Variants in STAG1 observed in about 807,000 individuals in gnomAD.
STAG1 encodes STAG1 cohesin complex component.
STAG1 carries 26 observed loss-of-function variants against 170.9 expected under a neutral mutation model. That is an observed-to-expected ratio of 0.15 (90% CI 0.11 to 0.21). The LOEUF (loss-of-function observed/expected upper bound fraction) is 0.21, where lower values mean the gene tolerates loss of function less well. STAG1 is among the 10% of genes least tolerant of loss of function. STAG1 has a pLI of 1.00. For synonymous variants in STAG1, 514 were observed against 497.7 expected (o/e 1.03, Z -0.44); for missense variants, 964 against 1,509.5 (o/e 0.64, Z 5.99).
At chr3:136,412,030 A>C (rs959921831) in intron 21 of STAG1, among the ~76,000 whole-genome samples, 19 of 152,096 alleles carry the variant, frequency 1.2e-4, no homozygotes, top group African/African-American at 4.6e-4. Flanking sequence ...TAAAAAACAA[A>C]CAAACAAACA....
intron 1 of STAG1, among the ~76,000 whole-genome samples, chr3:136,740,460 TAAA>T (rs759964021): frequency 5.9e-5 from 9 of 152,198 alleles, no homozygotes; most frequent in Non-Finnish European, 1.0e-4. Context: ...TGGCATATAG[TAAA>T]TGCTCAATGT....
intron 5 of STAG1, among the ~76,000 whole-genome samples, chr3:136,565,100 AAGAGAAAGAG>A (rs1937025053): frequency 1.1e-5 from 1 of 91,560 alleles, no homozygotes; most frequent in Non-Finnish European, 2.4e-5. Flanking sequence ...GAGGAAAGGA[AAGAGAAAGAG>A]AGAGAAAGAA....
At chr3:136,379,893 A>C (rs966182897) in intron 22 of STAG1, among the ~76,000 whole-genome samples, 2 of 152,230 alleles carry the variant, frequency 1.3e-5, no homozygotes, top group Admixed American at 1.3e-4. Flanking sequence ...GGCAATGAGG[A>C]ACTACTGAAG....
intron 16 of STAG1, among the ~76,000 whole-genome samples, chr3:136,428,420 G>C (rs886828148): frequency 6.6e-6 from 1 of 152,062 alleles, no homozygotes; most frequent in Non-Finnish European, 1.5e-5. Context: ...TTCTGATAAC[G>C]GACAATGCCC....
chr3:136,435,003 C>T (rs915130538), intron 15 of STAG1, among the ~76,000 whole-genome samples: 6 of 152,126 alleles, frequency 3.9e-5, no homozygotes, highest in African/African-American at 1.4e-4. Flanking sequence ...ATGGTTCAGG[C>T]ATTTTTGGAT....
chr3:136,472,316 A>G, intron 12 of STAG1, 97 bp downstream of exon 12: 1 of 635,346 alleles, frequency 1.6e-6, no homozygotes, highest in Non-Finnish European at 2.5e-6. Context: ...AATGATAAAC[A>G]TATACATAAG....
intron 16 of STAG1, among the ~76,000 whole-genome samples, chr3:136,428,990 G>A (rs1010122783): frequency 7.2e-5 from 11 of 151,862 alleles, no homozygotes; most frequent in African/African-American, 2.4e-4. Context: ...CAGAAAACTA[G>A]CTAGGCGTGG....
chr3:136,521,966 C>G (rs1423037212), intron 6 of STAG1, among the ~76,000 whole-genome samples: 1 of 152,206 alleles, frequency 6.6e-6, no homozygotes, highest in Non-Finnish European at 1.5e-5. Context: ...CCACTTCATA[C>G]ACTGGACTGA....
intron 6 of STAG1, among the ~76,000 whole-genome samples, chr3:136,534,325 T>C (rs771998418): frequency 1.3e-5 from 2 of 151,886 alleles, no homozygotes; most frequent in Non-Finnish European, 2.9e-5. Flanking sequence ...GGAAAAACAA[T>C]TCAGGACACT....
At chr3:136,683,003 A>C (rs1170341493) in intron 1 of STAG1, among the ~76,000 whole-genome samples, 1 of 152,204 alleles carries the variant, frequency 6.6e-6, no homozygotes. Flanking sequence ...TAAGCGAAAT[A>C]AGTCAGACAC....
chr3:136,651,799 C>T (rs547868646), intron 1 of STAG1, among the ~76,000 whole-genome samples: 1 of 152,248 alleles, frequency 6.6e-6, no homozygotes, highest in East Asian at 1.9e-4. Flanking sequence ...ACCTCAGTGC[C>T]ATATCTCCAA....
intron 10 of STAG1, among the ~76,000 whole-genome samples, chr3:136,475,979 G>C (rs1032865759): frequency 3.9e-5 from 6 of 152,144 alleles, no homozygotes; most frequent in African/African-American, 1.4e-4. Flanking sequence ...TGAATCCCAG[G>C]CAAGTCTCTT....
rs1935762252 is a variant in STAG1, at chr3:136,337,903, G to A, written c.*351C>T. ...AAAAATATGTTTTTTTTTACTCAATGTTGAGTTTTCATAAAACAGGTGTAT... is the reference window on the plus strand; with the variant it reads ...AAAAATATGTTTTTTTTTACTCAATATTGAGTTTTCATAAAACAGGTGTAT... On this transcript the variant is annotated 3_prime_UTR_variant, in exon 34 of 34. Transcript: ENST00000383202. The A allele has an allele frequency of 4.9e-6, 1 of 202,878 alleles. No individual in the cohort carries two copies. Among genetic ancestry groups the A allele is most frequent in the Non-Finnish European group, 9.8e-6 (1 of 101,888 alleles). 12.6% of individuals were successfully genotyped at this position (202,878 alleles called of 1,614,324 possible).
chr3:136,563,985 C>T (rs543443778), intron 5 of STAG1, among the ~76,000 whole-genome samples: 75 of 149,556 alleles, frequency 5.0e-4, no homozygotes, highest in Non-Finnish European at 3.3e-4. Context: ...ATCGCACCAC[C>T]GCACTCCAGC....
At chr3:136,375,636 C>T (rs1487759714) in intron 23 of STAG1, among the ~76,000 whole-genome samples, 2 of 152,054 alleles carry the variant, frequency 1.3e-5, no homozygotes, top group Non-Finnish European at 2.9e-5. Flanking sequence ...TTGGACATCA[C>T]CAAGCAGGTC....
intron 15 of STAG1, among the ~76,000 whole-genome samples, chr3:136,438,168 G>C (rs1370648005): frequency 6.6e-6 from 1 of 150,698 alleles, no homozygotes; most frequent in African/African-American, 2.4e-5. Context: ...CTTTGAAACT[G>C]TTATTTCCTC....
At position 136,730,327 on chromosome 3, in the gene STAG1, G is replaced by C. The variant is rs183434973; in HGVS notation, c.-84+21868C>G. On this transcript the variant is annotated intron_variant, in intron 1 of 33. Coordinates refer to ENST00000383202, the MANE Select transcript of STAG1 (RefSeq NM_005862.3). Reference sequence around the variant, plus strand: ...TCAGTTATAGGTTAGTAAAAATAAAGATGTCATTATTTTGCCATCCAAATT... The same window carrying C: ...TCAGTTATAGGTTAGTAAAAATAAACATGTCATTATTTTGCCATCCAAATT... 4.6e-5 allele frequency among the ~76,000 whole-genome samples: 7 copies of C among 152,218 alleles called. No homozygotes were observed. The East Asian group carries it at 1.2e-3, about 25-fold the overall frequency.
At chr3:136,672,553 C>A (rs942437725) in intron 1 of STAG1, among the ~76,000 whole-genome samples, 3 of 152,096 alleles carry the variant, frequency 2.0e-5, no homozygotes, top group Non-Finnish European at 4.4e-5. Flanking sequence ...AGCACTCACA[C>A]ATTTCCATTA....
chr3:136,743,314 G>C (rs1421728416), intron 1 of STAG1, among the ~76,000 whole-genome samples: 1 of 151,538 alleles, frequency 6.6e-6, no homozygotes, highest in African/African-American at 2.4e-5. Context: ...GTTACAGTGA[G>C]CTAAGATTGC....
Sources: allele counts gnomAD v4.1 joint callset (sites outside exome capture counted in the v4.1 genomes callset), GRCh38; gene constraint gnomAD v4.1.1; transcripts MANE v1.5; gene names NCBI Gene and HGNC (gene_info 2026-07-23, HGNC 2026-07-21).